Variants in ROBO2 observed in about 807,000 individuals in gnomAD.
ROBO2 encodes the protein roundabout guidance receptor 2.
Under a neutral mutation model 160.8 loss-of-function variants are expected in ROBO2, and 53 were observed. The ratio of observed to expected loss-of-function variants is 0.33; its 90% CI spans 0.26 to 0.41. The LOEUF (loss-of-function observed/expected upper bound fraction) is 0.41, where lower values mean the gene tolerates loss of function less well. ROBO2 is among the 10% of genes least tolerant of loss of function. The pLI is 1.00. For missense variants in ROBO2, 1,577 were observed against 1,722.4 expected (o/e 0.92, Z 1.49); for synonymous variants, 664 against 611.7 (o/e 1.09, Z -1.26).
intron 2 of ROBO2, among the ~76,000 whole-genome samples, chr3:76,402,152 A>G (rs1379557468): frequency 6.6e-6 from 1 of 151,304 alleles, no homozygotes; most frequent in Non-Finnish European, 1.5e-5. Flanking sequence ...TGATTTTTTT[A>G]TTTATTTCTG....
chr3:76,451,637 C>A (rs947679676), intron 2 of ROBO2, among the ~76,000 whole-genome samples: 1 of 152,154 alleles, frequency 6.6e-6, no homozygotes, highest in South Asian at 2.1e-4. Flanking sequence ...TTCCATTAAG[C>A]ACTTTGAGGC....
intron 2 of ROBO2, among the ~76,000 whole-genome samples, chr3:76,457,124 C>T (rs920266788): frequency 1.3e-5 from 2 of 152,164 alleles, no homozygotes; most frequent in African/African-American, 4.8e-5. Flanking sequence ...TCCTAGTAGT[C>T]CCCCAAAGTC....
chr3:77,575,808 T>G (rs2153671621), intron 14 of ROBO2, among the ~76,000 whole-genome samples: 1 of 152,256 alleles, frequency 6.6e-6, no homozygotes, highest in Admixed American at 6.5e-5. Context: ...GTGGAGCAGG[T>G]AACCTTAACA....
At chr3:76,515,720 T>C (rs891116544) in intron 2 of ROBO2, among the ~76,000 whole-genome samples, 3 of 152,166 alleles carry the variant, frequency 2.0e-5, no homozygotes, top group African/African-American at 7.2e-5. Context: ...ACAGTTATTG[T>C]CTTTAATATT....
At chr3:76,773,675 C>A (rs1452551739) in intron 2 of ROBO2, among the ~76,000 whole-genome samples, 1 of 150,100 alleles carries the variant, frequency 6.7e-6, no homozygotes, top group Non-Finnish European at 1.5e-5. Flanking sequence ...ACATACCTTA[C>A]CAGAGAAAGT....
intron 2 of ROBO2, among the ~76,000 whole-genome samples, chr3:76,052,262 A>C (rs892548310): frequency 6.6e-6 from 1 of 152,082 alleles, no homozygotes; most frequent in Non-Finnish European, 1.5e-5. Context: ...GGAGTAATGT[A>C]AATACTAACT....
At chr3:76,907,823 G>GGTGTGTGTGTGTGTGTGTGTGTGT (rs71104638) in intron 2 of ROBO2, among the ~76,000 whole-genome samples, 1 of 145,432 alleles carries the variant, frequency 6.9e-6, no homozygotes, top group South Asian at 2.3e-4. Flanking sequence ...GTTTGTTTGG[G>GGTGTGTGTGTGTGTGTGTGTGTGT]GTGTGTGTGT....
At chr3:76,296,579 T>C (rs1334721327) in intron 2 of ROBO2, among the ~76,000 whole-genome samples, 1 of 151,828 alleles carries the variant, frequency 6.6e-6, no homozygotes, top group Non-Finnish European at 1.5e-5. Flanking sequence ...CATTTATTTA[T>C]GTATCTGTTA....
intron 5 of ROBO2, among the ~76,000 whole-genome samples, chr3:77,497,865 A>G (rs985981962): frequency 1.3e-5 from 2 of 152,174 alleles, no homozygotes; most frequent in Non-Finnish European, 2.9e-5. Flanking sequence ...ATGAAGAAAC[A>G]TTAACATAAC....
chr3:76,406,738 C>A (rs2108799161), intron 2 of ROBO2, among the ~76,000 whole-genome samples: 1 of 151,928 alleles, frequency 6.6e-6, no homozygotes, highest in Non-Finnish European at 1.5e-5. Context: ...AATTTATGGT[C>A]CAAAAGTGAT....
chr3:76,909,289 AG>A (rs1484182296), intron 2 of ROBO2, among the ~76,000 whole-genome samples: 3 of 152,208 alleles, frequency 2.0e-5, no homozygotes, highest in African/African-American at 7.2e-5. Context: ...AAACCAAAAT[AG>A]GATCTTCACT....
chr3:76,163,969 T>C (rs1425685453), intron 2 of ROBO2, among the ~76,000 whole-genome samples: 2 of 152,210 alleles, frequency 1.3e-5, no homozygotes, highest in Non-Finnish European at 2.9e-5. Flanking sequence ...CTCTGTCTCA[T>C]GCAATGCTGT....
intron 3 of ROBO2, among the ~76,000 whole-genome samples, chr3:77,479,764 T>G (rs543866751): frequency 6.6e-6 from 1 of 152,302 alleles, no homozygotes; most frequent in South Asian, 2.1e-4. Context: ...TGCTGGCAGC[T>G]GAATAATCCA....
intron 6 of ROBO2, chr3:77,538,871 G>T: frequency 4.0e-6 from 2 of 497,990 alleles, no homozygotes; most frequent in Non-Finnish European, 8.1e-6. Context: ...GTTTCTTGTT[G>T]GTGGAGGCAA....
chr3:77,103,326 A>C (rs949675997), intron 2 of ROBO2, among the ~76,000 whole-genome samples: 2 of 152,080 alleles, frequency 1.3e-5, no homozygotes, highest in Non-Finnish European at 2.9e-5. Context: ...CAGTGCAGAG[A>C]GTAGAGATTA....
At chr3:77,033,616 A>G (rs2063456020) in intron 2 of ROBO2, among the ~76,000 whole-genome samples, 1 of 152,174 alleles carries the variant, frequency 6.6e-6, no homozygotes, top group African/African-American at 2.4e-5. Flanking sequence ...CCTCATGCTT[A>G]TCATGCCACA....
At chr3:76,452,180 T>G in intron 2 of ROBO2, among the ~76,000 whole-genome samples, 1 of 152,288 alleles carries the variant, frequency 6.6e-6, no homozygotes, top group Non-Finnish European at 1.5e-5. Context: ...TATTTTTTTA[T>G]TTTATTATTA....
intron 2 of ROBO2, among the ~76,000 whole-genome samples, chr3:77,346,964 C>T (rs1291801931): frequency 6.6e-6 from 1 of 152,126 alleles, no homozygotes; most frequent in Non-Finnish European, 1.5e-5. Flanking sequence ...TTAAGGTCAG[C>T]TGGTAAGTAA....
intron 2 of ROBO2, among the ~76,000 whole-genome samples, chr3:77,133,283 C>T (rs978520329): frequency 4.6e-5 from 7 of 151,958 alleles, no homozygotes; most frequent in African/African-American, 1.7e-4. Flanking sequence ...GCGATGAGGC[C>T]ACTGGGGAGG....
Sources: gnomAD v4.1 joint callset for allele counts (sites outside exome capture counted in the v4.1 genomes callset) on GRCh38, gnomAD v4.1.1 for gene constraint, MANE v1.5 for transcripts, NCBI Gene and HGNC (gene_info 2026-07-23, HGNC 2026-07-21) for gene names.